LGR4: variants seen among roughly 807,000 people sequenced by gnomAD.
LGR4 encodes leucine rich repeat containing G protein-coupled receptor 4, also known as leucine-rich repeat-containing G protein-coupled receptor 4.
A neutral mutation model predicts 84.8 loss-of-function variants in LGR4; 44 were observed. That is an observed-to-expected ratio of 0.52 (90% CI 0.41 to 0.67). LGR4 has a LOEUF of 0.67. Ranked by LOEUF, LGR4 falls within the 30% of genes least tolerant of loss-of-function variation. LGR4 has a pLI of 0.00. For synonymous variants in LGR4, 429 were observed against 434.3 expected (o/e 0.99, Z 0.15); for missense variants, 1,032 against 1,131.4 (o/e 0.91, Z 1.26).
chr11:27,402,161 A>G (rs2133387463), intron 2 of LGR4, among the ~76,000 whole-genome samples: 1 of 152,272 alleles, frequency 6.6e-6, no homozygotes, highest in African/African-American at 2.4e-5. Flanking sequence ...ATGAGTAAAT[A>G]CCAACTGGCC....
At chr11:27,472,076 C>T in intron 1 of LGR4, 42 bp downstream of exon 1, 2 of 1,175,580 alleles carry the variant, frequency 1.7e-6, no homozygotes, top group Non-Finnish European at 2.1e-6. Context: ...CGCTGGGCCC[C>T]GTTTCCTCCC....
At chr11:27,371,497 A>G (rs879816162) in intron 17 of LGR4, 118 bp downstream of exon 17, 5 of 645,552 alleles carry the variant, frequency 7.7e-6, no homozygotes, top group Non-Finnish European at 1.3e-5. Context: ...AGAAGGCCTC[A>G]CAGGATCCTC....
chr11:27,388,585 A>G (rs1210462538), intron 4 of LGR4, among the ~76,000 whole-genome samples: 1 of 152,078 alleles, frequency 6.6e-6, no homozygotes, highest in South Asian at 2.1e-4. Flanking sequence ...TCTATTTTCT[A>G]TTCTCAAAAG....
At chr11:27,468,329 G>T (rs1017321195) in intron 1 of LGR4, among the ~76,000 whole-genome samples, 1 of 152,134 alleles carries the variant, frequency 6.6e-6, no homozygotes, top group Admixed American at 6.6e-5. Flanking sequence ...CCAAATTACT[G>T]AAACAGAGTG....
Position 27,405,772 on chromosome 11 carries a change from A to T in LGR4, c.257+7017T>A, listed in dbSNP as rs186451194. The stretch of plus-strand genomic sequence containing the variant: ...CTTTTGAATAGGTGCCCTCCTCCCT[A>T]TCCCTGCCTCCCATCTGCCCTAATT... On this transcript the variant is annotated intron_variant, in intron 2 of 17. Coordinates refer to ENST00000379214, the MANE Select transcript of LGR4 (RefSeq NM_018490.5). Among the ~76,000 whole-genome samples the T allele has an allele frequency of 8.6e-5, 13 of 152,038 alleles. No individual in the cohort carries two copies. In the East Asian group the frequency reaches 2.5e-3, roughly 30 times the overall value.
Position 27,397,834 on chromosome 11 carries a change from G to A in LGR4, c.258-5316C>T, listed in dbSNP as rs572847060. On this transcript the variant is annotated intron_variant, in intron 2 of 17. Coordinates refer to ENST00000379214, the MANE Select transcript of LGR4 (RefSeq NM_018490.5). ...CTAGCAGGATTTCAAAGGGGACACC[G>A]TTTACCTCAAGGCAACTCCCACTTA... is the stretch of plus-strand genomic sequence containing the variant. Among the ~76,000 whole-genome samples, 9 of 152,256 alleles carry A rather than the reference G, an allele frequency of 5.9e-5. No homozygotes were observed. The South Asian group carries it at 1.0e-3, about 18-fold the overall frequency.
intron 6 of LGR4, among the ~76,000 whole-genome samples, chr11:27,383,299 C>CT (rs1863132147): frequency 6.6e-6 from 1 of 152,116 alleles, no homozygotes; most frequent in Non-Finnish European, 1.5e-5. Context: ...TTTTGGTTTC[C>CT]TTTTCCTTTT....
chr11:27,447,181 T>C (rs1864406559), intron 1 of LGR4, among the ~76,000 whole-genome samples: 1 of 151,754 alleles, frequency 6.6e-6, no homozygotes, highest in Non-Finnish European at 1.5e-5. Flanking sequence ...ACTTAAAGTA[T>C]AATAATAATA....
chr11:27,374,881 T>C (rs183568311), intron 13 of LGR4, among the ~76,000 whole-genome samples: 29 of 152,282 alleles, frequency 1.9e-4, no homozygotes, highest in Middle Eastern at 6.8e-3. Flanking sequence ...ACCAATTAAA[T>C]AGTTTCTAGT....
chr11:27,453,311 C>T (rs1864518106), intron 1 of LGR4, among the ~76,000 whole-genome samples: 1 of 152,192 alleles, frequency 6.6e-6, no homozygotes. Context: ...TCATGATGTG[C>T]CCACCTCGGC....
At chr11:27,429,379 A>G (rs758336929) in intron 1 of LGR4, among the ~76,000 whole-genome samples, 55 of 151,912 alleles carry the variant, frequency 3.6e-4, no homozygotes, top group Middle Eastern at 6.8e-3. Flanking sequence ...CAGCTACTCA[A>G]GAGGCTGAGG....
chr11:27,441,658 G>C (rs1864305916), intron 1 of LGR4, among the ~76,000 whole-genome samples: 1 of 152,164 alleles, frequency 6.6e-6, no homozygotes, highest in African/African-American at 2.4e-5. Flanking sequence ...AAGAGAGAGA[G>C]AGGGGCTGTA....
intron 1 of LGR4, among the ~76,000 whole-genome samples, chr11:27,415,617 T>C (rs1863801575): frequency 6.6e-6 from 1 of 152,140 alleles, no homozygotes; most frequent in South Asian, 2.1e-4. Flanking sequence ...TCAGGAGTAA[T>C]ACTTATTTCT....
At chr11:27,373,699 A>T (rs761837417) in intron 14 of LGR4, 23 bp from the exon 15 acceptor site, 1 of 1,543,542 alleles carries the variant, frequency 6.5e-7, no homozygotes, top group Non-Finnish European at 8.8e-7. Flanking sequence ...TGAGACTTCA[A>T]GTTAATGCCC....
chr11:27,413,208 G>T (rs951447519), intron 1 of LGR4, among the ~76,000 whole-genome samples: 2 of 152,028 alleles, frequency 1.3e-5, no homozygotes, highest in Non-Finnish European at 2.9e-5. Flanking sequence ...ATAAACAAAT[G>T]AATACCCTAG....
At chr11:27,432,393 A>G (rs1372958837) in intron 1 of LGR4, among the ~76,000 whole-genome samples, 1 of 152,246 alleles carries the variant, frequency 6.6e-6, no homozygotes, top group Non-Finnish European at 1.5e-5. Flanking sequence ...TGGTCAAGCC[A>G]CAGGATAAGG....
chr11:27,430,979 G>T (rs1182681533), intron 1 of LGR4, among the ~76,000 whole-genome samples: 2 of 150,596 alleles, frequency 1.3e-5, no homozygotes, highest in Admixed American at 6.6e-5. Flanking sequence ...TTCTTCCCTA[G>T]CTCTTCCCAT....
At chr11:27,398,853 C>T (rs1048958450) in intron 2 of LGR4, among the ~76,000 whole-genome samples, 2 of 152,116 alleles carry the variant, frequency 1.3e-5, no homozygotes, top group Non-Finnish European at 2.9e-5. Context: ...TCCCTTCTGA[C>T]CAACATTTAT....
At chr11:27,440,540 T>C (rs550425705) in intron 1 of LGR4, among the ~76,000 whole-genome samples, 4 of 152,330 alleles carry the variant, frequency 2.6e-5, no homozygotes, top group African/African-American at 9.6e-5. Flanking sequence ...TCAATGGTTC[T>C]CATGAGTTAA....
Sources: gnomAD v4.1 joint callset for allele counts (sites outside exome capture counted in the v4.1 genomes callset) on GRCh38, gnomAD v4.1.1 for gene constraint, MANE v1.5 for transcripts, NCBI Gene and HGNC (gene_info 2026-07-23, HGNC 2026-07-21) for gene names.